The following FSTL4 variants were observed in gnomAD, a reference collection of about 807,000 sequenced individuals.
The protein encoded by FSTL4 is follistatin like 4.
Under a neutral mutation model 78.2 loss-of-function variants are expected in FSTL4, and 28 were observed. The ratio of observed to expected loss-of-function variants is 0.36; its 90% CI spans 0.27 to 0.49. The LOEUF (loss-of-function observed/expected upper bound fraction) is 0.49. Among genes scored for constraint, FSTL4 ranks in the 20% least tolerant of loss-of-function variants. The pLI is 0.98. For synonymous variants in FSTL4, 422 were observed against 440.5 expected (o/e 0.96, Z 0.53); for missense variants, 922 against 1,084.9 (o/e 0.85, Z 2.11).
At chr5:133,359,907 C>T (rs1443604382) in intron 4 of FSTL4, among the ~76,000 whole-genome samples, 2 of 152,312 alleles carry the variant, frequency 1.3e-5, no homozygotes, top group Admixed American at 6.5e-5. Context: ...TGTGGAAAGG[C>T]CTCTACCTGA....
At chr5:133,414,199 T>C (rs1234610771) in intron 3 of FSTL4, among the ~76,000 whole-genome samples, 1 of 152,230 alleles carries the variant, frequency 6.6e-6, no homozygotes, top group Non-Finnish European at 1.5e-5. Context: ...GTAGTTTGCA[T>C]ATGAGCTACA....
the FSTL4 span, among the ~76,000 whole-genome samples, chr5:133,746,422 A>T: frequency 1.3e-5 from 1 of 74,584 alleles, no homozygotes; most frequent in African/African-American, 7.3e-5. Flanking sequence ...AAAACTGAAA[A>T]CTTACAAAGC....
At chr5:133,423,066 T>C (rs1346388803) in intron 3 of FSTL4, among the ~76,000 whole-genome samples, 1 of 152,192 alleles carries the variant, frequency 6.6e-6, no homozygotes, top group Non-Finnish European at 1.5e-5. Context: ...AGTTTTGAAG[T>C]TTCATTTGTA....
the FSTL4 span, among the ~76,000 whole-genome samples, chr5:133,772,224 T>C: frequency 3.9e-5 from 6 of 152,222 alleles, no homozygotes; most frequent in Non-Finnish European, 8.8e-5. Flanking sequence ...TTCCATTTGT[T>C]GGAAATAAAG....
At chr5:133,617,760 G>A in the FSTL4 span, among the ~76,000 whole-genome samples, 1 of 152,166 alleles carries the variant, frequency 6.6e-6, no homozygotes, top group African/African-American at 2.4e-5. Context: ...AGAAGTAACT[G>A]GAAGTAAGAG....
chr5:133,679,693 C>T, the FSTL4 span, among the ~76,000 whole-genome samples: 3 of 152,292 alleles, frequency 2.0e-5, no homozygotes, highest in South Asian at 4.1e-4. Flanking sequence ...ATTTGCAGAA[C>T]AGGCTGTCTG....
chr5:133,463,990 T>C (rs1440049893), intron 3 of FSTL4, among the ~76,000 whole-genome samples: 1 of 152,236 alleles, frequency 6.6e-6, no homozygotes, highest in South Asian at 2.1e-4. Context: ...CAGTATCGAT[T>C]CATTGTTTTG....
intron 3 of FSTL4, among the ~76,000 whole-genome samples, chr5:133,560,373 G>A (rs1759886104): frequency 6.6e-6 from 1 of 152,192 alleles, no homozygotes; most frequent in South Asian, 2.1e-4. Flanking sequence ...GATCTTGGGA[G>A]AGAAGTTTAT....
At position 133,418,494 on chromosome 5, in the gene FSTL4, T is replaced by A. The variant is rs564163128; in HGVS notation, c.161-17508A>T. Among the ~76,000 whole-genome samples, 18 of 152,118 alleles carry A rather than the reference T, an allele frequency of 1.2e-4. 1 individual carries two copies. The highest frequency in any genetic ancestry group is 6.8e-3 in the Middle Eastern group (2 of 294). The stretch of plus-strand genomic sequence containing the variant: ...ATTTCATTCATAATACCACCAGACT[T>A]CTTGAAAAAAATCGACAAGCTATTC... On this transcript the variant is annotated intron_variant, in intron 3 of 15. Coordinates refer to ENST00000265342, the MANE Select transcript of FSTL4 (RefSeq NM_015082.2).
chr5:133,442,760 C>T (rs1411910058), intron 3 of FSTL4, among the ~76,000 whole-genome samples: 4 of 152,132 alleles, frequency 2.6e-5, no homozygotes, highest in Non-Finnish European at 4.4e-5. Flanking sequence ...CTCAATCAGG[C>T]TTTTGGAGTC....
At chr5:133,564,858 T>G (rs1281537751) in intron 3 of FSTL4, among the ~76,000 whole-genome samples, 1 of 152,202 alleles carries the variant, frequency 6.6e-6, no homozygotes, top group African/African-American at 2.4e-5. Flanking sequence ...CCACTATGAT[T>G]TGGCTTGGAC....
the FSTL4 span, among the ~76,000 whole-genome samples, chr5:133,737,990 G>C: frequency 6.6e-6 from 1 of 152,064 alleles, no homozygotes; most frequent in African/African-American, 2.4e-5. Context: ...CACCCTTGAG[G>C]CCTCCCCAGC....
At chr5:133,786,314 T>C in the FSTL4 span, among the ~76,000 whole-genome samples, 1 of 152,236 alleles carries the variant, frequency 6.6e-6, no homozygotes. Context: ...CAGTTAAATG[T>C]TTCATGGGCC....
At chr5:133,435,446 T>G (rs1757016731) in intron 3 of FSTL4, among the ~76,000 whole-genome samples, 1 of 152,226 alleles carries the variant, frequency 6.6e-6, no homozygotes, top group Non-Finnish European at 1.5e-5. Context: ...GACTCCAGAA[T>G]CCTTTTCTTG....
At chr5:133,722,749 G>C in the FSTL4 span, among the ~76,000 whole-genome samples, 4 of 152,216 alleles carry the variant, frequency 2.6e-5, no homozygotes, top group Non-Finnish European at 5.9e-5. Flanking sequence ...GTGGCTTTCA[G>C]AGGGGAAGAT....
chr5:133,310,089 A>G (rs1274801984), intron 6 of FSTL4, among the ~76,000 whole-genome samples: 2 of 152,218 alleles, frequency 1.3e-5, no homozygotes, highest in Non-Finnish European at 2.9e-5. Context: ...TTTAGTTTAG[A>G]GTTCCTGTGA....
the FSTL4 span, among the ~76,000 whole-genome samples, chr5:133,763,551 C>T: frequency 6.6e-6 from 1 of 152,282 alleles, no homozygotes; most frequent in East Asian, 1.9e-4. Flanking sequence ...TCCCTGTGAG[C>T]ATCTGCTGGA....
Position 133,400,725 on chromosome 5 carries a change from G to T in FSTL4, c.409+13C>A, listed in dbSNP as rs1198426096. The T allele has an allele frequency of 2.5e-6, 4 of 1,612,086 alleles. No homozygotes were observed. In the South Asian group the frequency reaches 4.4e-5, roughly 18 times the overall value. The stretch of plus-strand genomic sequence containing the variant: ...CAAAACCCAAAACCACAGGGCAAGG[G>T]CCCTGTTCCTACCTTTGAGGAAACA... On this transcript the variant is annotated intron_variant, in intron 4 of 15. Coordinates refer to ENST00000265342, the MANE Select transcript of FSTL4 (RefSeq NM_015082.2).
the FSTL4 span, among the ~76,000 whole-genome samples, chr5:133,706,285 A>G: frequency 1.3e-5 from 2 of 152,244 alleles, no homozygotes; most frequent in Non-Finnish European, 2.9e-5. Context: ...TTGGCATTCA[A>G]AAAATGATAC....
Sources: gnomAD v4.1 joint callset for allele counts (sites outside exome capture counted in the v4.1 genomes callset) on GRCh38, gnomAD v4.1.1 for gene constraint, MANE v1.5 for transcripts, NCBI Gene and HGNC (gene_info 2026-07-23, HGNC 2026-07-21) for gene names.